Variants in GNG7 observed in about 807,000 individuals in gnomAD.
GNG7 encodes the protein guanine nucleotide-binding protein G(I)/G(S)/G(O) subunit gamma-7.
GNG7 carries 1 observed loss-of-function variant against 4.0 expected under a neutral mutation model. The ratio of observed to expected loss-of-function variants is 0.25; its 90% CI spans 0.09 to 1.18. GNG7 has a LOEUF of 1.18. Among genes scored for constraint, GNG7 ranks in the 50% most tolerant of loss-of-function variants. The pLI, the probability that GNG7 is intolerant of heterozygous loss-of-function variation, is 0.50. For missense variants in GNG7, 86 were observed against 91.9 expected (o/e 0.94, Z 0.26); for synonymous variants, 34 against 36.9 (o/e 0.92, Z 0.29).
chr19:2,627,955 A>G (rs1217712292), intron 2 of GNG7, among the ~76,000 whole-genome samples: 2 of 152,234 alleles, frequency 1.3e-5, no homozygotes, highest in Non-Finnish European at 2.9e-5. Flanking sequence ...GATCTTAATG[A>G]AGGAGGTGAC....
intron 2 of GNG7, among the ~76,000 whole-genome samples, chr19:2,567,141 AAC>A (rs796680269): frequency 2.3e-5 from 3 of 128,720 alleles, no homozygotes; most frequent in African/African-American, 1.3e-4. Flanking sequence ...ACAAAAAAAA[AAC>A]AAAAAAAAAA....
chr19:2,560,588 G>A (rs1430921002), intron 2 of GNG7, among the ~76,000 whole-genome samples: 1 of 152,138 alleles, frequency 6.6e-6, no homozygotes, highest in Non-Finnish European at 1.5e-5. Context: ...GGACGCTGCG[G>A]TGCCCAGGAC....
chr19:2,581,448 G>T (rs1027093895), intron 2 of GNG7, among the ~76,000 whole-genome samples: 5 of 152,138 alleles, frequency 3.3e-5, no homozygotes, highest in Non-Finnish European at 5.9e-5. Flanking sequence ...AAACCACAGG[G>T]GGGTGAGAAC....
At chr19:2,534,779 G>C (rs1040217237) in intron 3 of GNG7, among the ~76,000 whole-genome samples, 1 of 152,234 alleles carries the variant, frequency 6.6e-6, no homozygotes, top group Non-Finnish European at 1.5e-5. Context: ...CAGCAGGCTT[G>C]AGACCCAAGA....
rs1028304840 is a variant in GNG7 at position 2,513,252 on chromosome 19, C to T, written c.*1770G>A. The T allele has an allele frequency of 6.4e-5, 35 of 543,436 alleles. No homozygotes were observed. Among genetic ancestry groups the T allele is most frequent in the South Asian group, 8.0e-5 (1 of 12,522 alleles). 33.7% of individuals were successfully genotyped at this position (543,436 alleles called of 1,614,324 possible). A position where few individuals can be genotyped will look rare whatever the true frequency, so the allele number is the denominator to read the frequency against. On this transcript the variant is annotated 3_prime_UTR_variant, in exon 5 of 5. Transcript: ENST00000382159. ...GGCCTGCACGGAGGACCTGGGCGGC[C>T]GTCCAGGAACCCTCTCGGCACGGGT...
At position 2,661,277 on chromosome 19, in the gene GNG7, A is replaced by AGGAAGGAAGGAAG. The variant is rs1491425680; in HGVS notation, c.-134-14998_-134-14997insCTTCCTTCCTTCC. Among the ~76,000 whole-genome samples, 331 of 60,440 alleles carry AGGAAGGAAGGAAG rather than the reference A, an allele frequency of 5.5e-3. 9 individuals are homozygous for AGGAAGGAAGGAAG. The highest frequency in any genetic ancestry group is 8.5e-3 in the Admixed American group (47 of 5,524). 39.7% of individuals were successfully genotyped at this position (60,440 alleles called of 152,430 possible). ...AGAAAGAAAGAAAGAAAGAAAAGAA[A>AGGAAGGAAGGAAG]GAAAGAAAGAAAGAAAGAAAGAAAG... On this transcript the variant is annotated intron_variant, in intron 1 of 4. Coordinates refer to ENST00000382159, the MANE Select transcript of GNG7 (RefSeq NM_052847.3).
chr19:2,671,316 G>A (rs1356097797), intron 1 of GNG7, among the ~76,000 whole-genome samples: 1 of 152,054 alleles, frequency 6.6e-6, no homozygotes, highest in African/African-American at 2.4e-5. Context: ...GCAGTTGCAG[G>A]AAGGCCGAGG....
intron 2 of GNG7, among the ~76,000 whole-genome samples, chr19:2,571,784 C>CG (rs553732061): frequency 6.6e-6 from 1 of 151,434 alleles, no homozygotes; most frequent in South Asian, 2.1e-4. Context: ...TCAGTAGAGA[C>CG]GGGGTTTCAC....
At chr19:2,608,439 G>A (rs1010549726) in intron 2 of GNG7, among the ~76,000 whole-genome samples, 1 of 152,166 alleles carries the variant, frequency 6.6e-6, no homozygotes, top group African/African-American at 2.4e-5. Context: ...CAGGCACACT[G>A]ACGGCCTCGG....
rs112570612 is a variant in GNG7, at chr19:2,697,954, G to A, written c.-135+4692C>T. On this transcript the variant is annotated intron_variant, in intron 1 of 4. Transcript: ENST00000382159. ...GCCACTGCACTCCAGCCTGGGCAAT[G>A]AACGAGACCACATCTCAAAAACAAA... Among the ~76,000 whole-genome samples, 526 of 151,078 alleles carry A rather than the reference G, an allele frequency of 3.5e-3. 5 individuals are homozygous for A. Among genetic ancestry groups the A allele is most frequent in the African/African-American group, 0.012 (510 of 41,166 alleles).
At chr19:2,628,870 G>A (rs974883816) in intron 2 of GNG7, among the ~76,000 whole-genome samples, 4 of 152,048 alleles carry the variant, frequency 2.6e-5, no homozygotes, top group South Asian at 2.1e-4. Flanking sequence ...TCCCTTTACC[G>A]AACACACGAC....
intron 2 of GNG7, among the ~76,000 whole-genome samples, chr19:2,645,241 CTCTT>C (rs1202244915): frequency 9.0e-6 from 1 of 111,030 alleles, no homozygotes; most frequent in Non-Finnish European, 1.9e-5. Context: ...CTCTCTCTCT[CTCTT>C]TTTTTTTTTT....
At position 2,648,793 on chromosome 19, in the gene GNG7, G is replaced by A. The variant is rs536984228; in HGVS notation, c.-134-2513C>T. Among the ~76,000 whole-genome samples, 8 of 152,300 alleles carry A rather than the reference G, an allele frequency of 5.3e-5. 1 individual carries two copies. Among genetic ancestry groups the A allele is most frequent in the Admixed American group, 2.6e-4 (4 of 15,300 alleles). Reference sequence around the variant, plus strand: ...GAAAGGGCTGGAGCGGCATGCCCACGGGGCTGCAGGAGGCCCAGACTCCTG... The same window carrying A: ...GAAAGGGCTGGAGCGGCATGCCCACAGGGCTGCAGGAGGCCCAGACTCCTG... On this transcript the variant is annotated intron_variant, in intron 1 of 4. Coordinates refer to ENST00000382159, the MANE Select transcript of GNG7 (RefSeq NM_052847.3).
chr19:2,696,453 A>G (rs187751060), intron 1 of GNG7, among the ~76,000 whole-genome samples: 289 of 152,212 alleles, frequency 1.9e-3, no homozygotes, highest in Non-Finnish European at 3.6e-3. Flanking sequence ...GAAAGAAAGA[A>G]CCACTAAACA....
intron 3 of GNG7, among the ~76,000 whole-genome samples, chr19:2,536,560 T>C (rs952941164): frequency 6.6e-6 from 1 of 152,194 alleles, no homozygotes; most frequent in Non-Finnish European, 1.5e-5. Context: ...GCAAGAAATA[T>C]AAGATCTGTG....
At chr19:2,571,310 T>C (rs1980138840) in intron 2 of GNG7, among the ~76,000 whole-genome samples, 1 of 152,152 alleles carries the variant, frequency 6.6e-6, no homozygotes, top group Non-Finnish European at 1.5e-5. Context: ...GAGAAGGTGC[T>C]ACCTGCTGAT....
intron 2 of GNG7, among the ~76,000 whole-genome samples, chr19:2,600,147 T>A (rs1044135627): frequency 2.0e-5 from 3 of 151,980 alleles, no homozygotes; most frequent in African/African-American, 7.3e-5. Flanking sequence ...CTTGTGTTTA[T>A]GTAGATTTTA....
At chr19:2,531,871 G>T (rs1978602011) in intron 3 of GNG7, among the ~76,000 whole-genome samples, 1 of 151,978 alleles carries the variant, frequency 6.6e-6, no homozygotes. Context: ...AACCAGCACT[G>T]CCAGGTGCGG....
At chr19:2,629,661 GGGGGCACAC>G (rs1310152018) in intron 2 of GNG7, among the ~76,000 whole-genome samples, 19 of 152,138 alleles carry the variant, frequency 1.2e-4, no homozygotes, top group South Asian at 2.1e-4. Context: ...AACGCAGTGT[GGGGGCACAC>G]GGTGATTGGA....
Sources: allele counts gnomAD v4.1 joint callset (sites outside exome capture counted in the v4.1 genomes callset), GRCh38; gene constraint gnomAD v4.1.1; transcripts MANE v1.5; gene names NCBI Gene and HGNC (gene_info 2026-07-23, HGNC 2026-07-21).